P2RX1: variants seen among roughly 807,000 people sequenced by gnomAD.
The protein encoded by P2RX1 is purinergic receptor P2X 1, also known as P2X purinoceptor 1.
P2RX1 carries 42 observed loss-of-function variants against 50.3 expected under a neutral mutation model. The ratio of observed to expected loss-of-function variants is 0.83; its 90% CI spans 0.65 to 1.08. The LOEUF (loss-of-function observed/expected upper bound fraction) is 1.08. Among genes scored for constraint, P2RX1 ranks in the 50% least tolerant of loss-of-function variants. The pLI is 0.00. For missense variants in P2RX1, 449 were observed against 529.0 expected (o/e 0.85, Z 1.48); for synonymous variants, 199 against 202.6 (o/e 0.98, Z 0.15).
At chr17:3,898,312 T>G (rs1031207446) in intron 10 of P2RX1, among the ~76,000 whole-genome samples, 172 bp downstream of exon 10, 1 of 151,784 alleles carries the variant, frequency 6.6e-6, no homozygotes, top group Non-Finnish European at 1.5e-5. Context: ...CTGCCCCAGC[T>G]CTGGGCCTTG....
intron 1 of P2RX1, among the ~76,000 whole-genome samples, chr17:3,913,282 C>T (rs759697426): frequency 1.3e-5 from 2 of 152,048 alleles, no homozygotes; most frequent in Non-Finnish European, 2.9e-5. Context: ...TGCACCACCA[C>T]ACCCAGCTAA....
At position 3,904,367 on chromosome 17, in the gene P2RX1, ACT is replaced by A; in HGVS notation, c.388_389del (p.Ser130TrpfsTer30). The A allele has an allele frequency of 6.2e-7, 1 of 1,614,028 alleles. No individual in the cohort carries two copies. The highest frequency in any genetic ancestry group is 1.3e-5 in the African/African-American group (1 of 75,036). On this transcript the variant is annotated frameshift_variant, in exon 4 of 12. Coordinates refer to ENST00000225538, the MANE Select transcript of P2RX1 (RefSeq NM_002558.4). LOFTEE classifies it high-confidence loss of function. ...TCTTGGCCTTCCCAGGGGTACAGCC[ACT>A]GTCTTCCTTGCATATGCCCCCTTCT... is the stretch of plus-strand genomic sequence containing the variant. ...HPEGGICKEDSGCTPGKAKRK... is the reference protein window; with the variant it reads ...HPEGGICKEDXGCTPGKAKRK...
At chr17:3,907,888 G>A (rs1034023376) in intron 1 of P2RX1, among the ~76,000 whole-genome samples, 2 of 152,210 alleles carry the variant, frequency 1.3e-5, no homozygotes, top group African/African-American at 4.8e-5. Flanking sequence ...GGGAGGAGGA[G>A]TTTCTCCTTG....
chr17:3,905,163 C>T, intron 2 of P2RX1, 57 bp downstream of exon 2: 1 of 1,596,596 alleles, frequency 6.3e-7, no homozygotes, highest in Non-Finnish European at 8.5e-7. Flanking sequence ...GGACAGAGTC[C>T]CACCCAACTC....
Position 3,897,534 on chromosome 17 carries a change from G to T in P2RX1, c.*280C>A. 3.6e-6 allele frequency: 2 copies of T among 559,998 alleles called. No individual in the cohort carries two copies. The highest frequency in any genetic ancestry group is 2.1e-5 in the South Asian group (1 of 48,532). 34.7% of individuals were successfully genotyped at this position (559,998 alleles called of 1,614,324 possible). The stretch of plus-strand genomic sequence containing the variant: ...TCCGGAGAGAGAAGCACGAAGCTAG[G>T]GTGCAGGTGTGTGGGAGGGTCCTGC... On this transcript the variant is annotated 3_prime_UTR_variant, in exon 12 of 12. Transcript: ENST00000225538.
chr17:3,912,558 T>A (rs1490700400), intron 1 of P2RX1, among the ~76,000 whole-genome samples: 1 of 152,204 alleles, frequency 6.6e-6, no homozygotes, highest in African/African-American at 2.4e-5. Context: ...CTCAAACTCC[T>A]GACCTCAAGT....
rs1378554000 is a variant in P2RX1 at position 3,910,230 on chromosome 17, C to T, written c.138-4863G>A. On this transcript the variant is annotated intron_variant, in intron 1 of 11. Coordinates refer to ENST00000225538, the MANE Select transcript of P2RX1 (RefSeq NM_002558.4). ...CCTCAGGTGATCCACCCACCTCTGC[C>T]TCCCAAAGTGCTGGGATTACAGGCA... Among the ~76,000 whole-genome samples, 3 of 152,192 alleles carry T rather than the reference C, an allele frequency of 2.0e-5. No individual in the cohort carries two copies. The East Asian group carries it at 5.8e-4, about 29-fold the overall frequency.
At chr17:3,909,172 G>A (rs1450130510) in intron 1 of P2RX1, among the ~76,000 whole-genome samples, 3 of 151,976 alleles carry the variant, frequency 2.0e-5, no homozygotes, top group South Asian at 2.1e-4. Context: ...CTGGGACTAC[G>A]GGCGCGCCCC....
At chr17:3,901,113 A>G (rs74996686) in intron 7 of P2RX1, among the ~76,000 whole-genome samples, 5 of 151,940 alleles carry the variant, frequency 3.3e-5, no homozygotes, top group South Asian at 4.2e-4. Context: ...TGTCACCCAG[A>G]CTGGAGTGCA....
intron 2 of P2RX1, 39 bp from the exon 3 acceptor site, chr17:3,904,968 G>GT: frequency 1.1e-6 from 1 of 903,322 alleles, no homozygotes; most frequent in Non-Finnish European, 1.8e-6. Flanking sequence ...GGTGGGCTGG[G>GT]AGCTGGGAGA....
rs560768793 is a variant in P2RX1 at position 3,901,848 on chromosome 17, G to T, written c.747+1354C>A. 2.0e-5 allele frequency among the ~76,000 whole-genome samples: 3 copies of T among 152,234 alleles called. No homozygotes were observed. In the South Asian group the frequency reaches 6.2e-4, roughly 32 times the overall value. ...CGTGCCAGGCAGCGAGGCACGCCAC[G>T]CACACCGCGTCAACTCACTTGACCC... On this transcript the variant is annotated intron_variant, in intron 7 of 11. Transcript: ENST00000225538.
intron 4 of P2RX1, 50 bp downstream of exon 4, chr17:3,904,280 A>G (rs372942890): frequency 1.1e-4 from 169 of 1,556,838 alleles, no homozygotes; most frequent in Admixed American, 6.7e-5. Flanking sequence ...GCAGGACGTC[A>G]GGGACCGCAG....
intron 1 of P2RX1, among the ~76,000 whole-genome samples, chr17:3,911,854 C>T (rs901891247): frequency 1.3e-5 from 2 of 152,180 alleles, no homozygotes; most frequent in African/African-American, 2.4e-5. Flanking sequence ...AGGGTGGGCA[C>T]GCAACCAGGC....
At chr17:3,909,234 GT>G (rs1348115551) in intron 1 of P2RX1, among the ~76,000 whole-genome samples, 1 of 152,050 alleles carries the variant, frequency 6.6e-6, no homozygotes, top group African/African-American at 2.4e-5. Flanking sequence ...GTTTCGCCAT[GT>G]TGGTCAGGCT....
intron 7 of P2RX1, among the ~76,000 whole-genome samples, chr17:3,902,566 G>T (rs1371383932): frequency 6.6e-6 from 1 of 151,868 alleles, no homozygotes; most frequent in Non-Finnish European, 1.5e-5. Flanking sequence ...AAAGTGCTGG[G>T]ATTACAGGCG....
At chr17:3,906,862 A>G (rs902184450) in intron 1 of P2RX1, among the ~76,000 whole-genome samples, 6 of 152,254 alleles carry the variant, frequency 3.9e-5, no homozygotes, top group African/African-American at 1.4e-4. Flanking sequence ...GGACACGCAC[A>G]TGACCTGAGG....
chr17:3,904,389 C>G lies in P2RX1; in HGVS notation c.368G>C (p.Gly123Ala). ...TQGYCAEHPE[G>A]GICKEDSGCT... ...GCCACTGTCTTCCTTGCATATGCCCCCTTCTGGGTGCTGGGGGAGGCAAAA... is the reference window on the plus strand; with the variant it reads ...GCCACTGTCTTCCTTGCATATGCCCGCTTCTGGGTGCTGGGGGAGGCAAAA... Residue 123 changes from glycine (G) to alanine (A), a missense_variant, in exon 4 of 12, where the codon GGG (glycine) becomes GCG (alanine). Physicochemically the swap from Gly to Ala is moderately conservative, Grantham distance 60. Coordinates refer to ENST00000225538, the MANE Select transcript of P2RX1 (RefSeq NM_002558.4). 6.2e-7 allele frequency: 1 copy of G among 1,613,896 alleles called. No individual in the cohort carries two copies. Among genetic ancestry groups the G allele is most frequent in the South Asian group, 1.1e-5 (1 of 91,042 alleles).
intron 4 of P2RX1, 127 bp from the exon 5 acceptor site, chr17:3,904,151 T>C: frequency 2.0e-6 from 2 of 1,015,540 alleles, no homozygotes; most frequent in South Asian, 2.6e-5. Flanking sequence ...CGTGGCTGGG[T>C]CCCGGACGGG....
Position 3,903,858 on chromosome 17 carries a change from T to G in P2RX1, c.524+70A>C. The G allele has an allele frequency of 7.4e-7, 1 of 1,349,260 alleles. No homozygotes were observed. The highest frequency in any genetic ancestry group is 1.1e-6 in the Non-Finnish European group (1 of 939,340). 83.6% of individuals were successfully genotyped at this position (1,349,260 alleles called of 1,614,324 possible). A position where few individuals can be genotyped will look rare whatever the true frequency, so the allele number is the denominator to read the frequency against. On this transcript the variant is annotated intron_variant, in intron 5 of 11. Transcript: ENST00000225538. This position sits in a 1 kb window ranked among gnomAD's most constrained non-coding sequence, Gnocchi z 4.6. Reference sequence around the variant, plus strand: ...GTCAGAAAAAGGGGTAAAGATCCTTTCTAGACCTAGGCCCCCCTCTGTCTG... The same window carrying G: ...GTCAGAAAAAGGGGTAAAGATCCTTGCTAGACCTAGGCCCCCCTCTGTCTG...
Sources: gnomAD v4.1 joint callset for allele counts (sites outside exome capture counted in the v4.1 genomes callset) on GRCh38, gnomAD v4.1.1 for gene constraint, Gnocchi (gnomAD v3.1) non-coding constraint, MANE v1.5 for transcripts, NCBI Gene and HGNC (gene_info 2026-07-23, HGNC 2026-07-21) for gene names.